The following TARS3 variants were observed in gnomAD, a reference collection of about 807,000 sequenced individuals.
TARS3 encodes the protein threonine--tRNA ligase 2, cytoplasmic.
TARS3 carries 94 observed loss-of-function variants against 103.5 expected under a neutral mutation model. The ratio of observed to expected loss-of-function variants is 0.91; its 90% confidence interval spans 0.77 to 1.08. TARS3 has a LOEUF of 1.08. TARS3 is among the 50% of genes least tolerant of loss of function. The pLI, the probability that TARS3 is intolerant of heterozygous loss-of-function variation, is 0.00. For synonymous variants in TARS3, 416 were observed against 355.4 expected (o/e 1.17, Z -1.92); for missense variants, 952 against 995.2 (o/e 0.96, Z 0.58).
intron 2 of TARS3, among the ~76,000 whole-genome samples, chr15:101,722,814 G>A (rs867248870): frequency 1.3e-5 from 2 of 150,832 alleles, no homozygotes; most frequent in South Asian, 2.1e-4. Flanking sequence ...GCAAACCTCC[G>A]CCTTCAAAAA....
At chr15:101,695,396 C>T (rs924146447) in intron 10 of TARS3, among the ~76,000 whole-genome samples, 1 of 152,188 alleles carries the variant, frequency 6.6e-6, no homozygotes, top group South Asian at 2.1e-4. Context: ...ACGATGCTTT[C>T]GAGGTTCCTC....
intron 10 of TARS3, among the ~76,000 whole-genome samples, chr15:101,696,680 A>G (rs1486680859): frequency 6.6e-6 from 1 of 152,210 alleles, no homozygotes; most frequent in Non-Finnish European, 1.5e-5. Flanking sequence ...GACCCCAGAG[A>G]AACCTTAAAA....
intron 10 of TARS3, among the ~76,000 whole-genome samples, chr15:101,697,045 A>C (rs568864859): frequency 5.3e-5 from 8 of 152,266 alleles, no homozygotes; most frequent in African/African-American, 1.9e-4. Flanking sequence ...CCCTTTGTGA[A>C]TATTCATAGC....
chr15:101,698,419 CT>C (rs1490005766), intron 10 of TARS3, among the ~76,000 whole-genome samples: 1 of 151,014 alleles, frequency 6.6e-6, no homozygotes, highest in African/African-American at 2.4e-5. Flanking sequence ...TGGGCCATTT[CT>C]TATGGAAGAG....
chr15:101,673,246 G>C (rs976360099), intron 13 of TARS3, among the ~76,000 whole-genome samples: 1 of 152,122 alleles, frequency 6.6e-6, no homozygotes, highest in African/African-American at 2.4e-5. Flanking sequence ...CATTAATTAA[G>C]AAAGGAGCAA....
At chr15:101,689,991 T>G (rs1287748445) in intron 10 of TARS3, among the ~76,000 whole-genome samples, 1 of 152,210 alleles carries the variant, frequency 6.6e-6, no homozygotes, top group Non-Finnish European at 1.5e-5. Context: ...CCTTGCATTC[T>G]TACATGAAGG....
intron 11 of TARS3, 62 bp from the exon 12 acceptor site, chr15:101,684,299 A>C: frequency 1.4e-6 from 2 of 1,401,646 alleles, no homozygotes; most frequent in South Asian, 1.6e-5. Flanking sequence ...TAATTATCTA[A>C]ATATAAAGAA....
At chr15:101,655,654 C>T (rs1389175751) in intron 18 of TARS3, among the ~76,000 whole-genome samples, 3 of 140,296 alleles carry the variant, frequency 2.1e-5, no homozygotes, top group South Asian at 4.6e-4. Context: ...CAAATGAGAG[C>T]GGGGAGCTCT....
At chr15:101,690,237 G>A (rs1415838666) in intron 10 of TARS3, among the ~76,000 whole-genome samples, 1 of 152,174 alleles carries the variant, frequency 6.6e-6, no homozygotes, top group Non-Finnish European at 1.5e-5. Flanking sequence ...TCTCTGCCCT[G>A]CACTGTGTTC....
chr15:101,668,689 G>A (rs1182642237), intron 15 of TARS3, among the ~76,000 whole-genome samples: 1 of 152,144 alleles, frequency 6.6e-6, no homozygotes, highest in African/African-American at 2.4e-5. Context: ...AACAAGCTGT[G>A]CCTGTATATA....
At chr15:101,682,815 A>G (rs1270461594) in intron 12 of TARS3, among the ~76,000 whole-genome samples, 1 of 152,208 alleles carries the variant, frequency 6.6e-6, no homozygotes, top group African/African-American at 2.4e-5. Flanking sequence ...TTTCTGTAGT[A>G]GACACAGGGC....
chr15:101,666,581 T>G (rs1307364447), intron 15 of TARS3, among the ~76,000 whole-genome samples: 1 of 151,988 alleles, frequency 6.6e-6, no homozygotes, highest in Non-Finnish European at 1.5e-5. Flanking sequence ...AACAATATTT[T>G]TAAAATATTA....
At chr15:101,656,240 C>T (rs1032617233) in intron 18 of TARS3, among the ~76,000 whole-genome samples, 1 of 152,192 alleles carries the variant, frequency 6.6e-6, no homozygotes, top group Non-Finnish European at 1.5e-5. Flanking sequence ...TTTCTGCCAC[C>T]ATAAGAAGCC....
chr15:101,697,375 T>C (rs940125739), intron 10 of TARS3, among the ~76,000 whole-genome samples: 1 of 152,044 alleles, frequency 6.6e-6, no homozygotes, highest in Non-Finnish European at 1.5e-5. Flanking sequence ...TCACCAGAAG[T>C]AACATGGAAA....
chr15:101,675,523 C>T (rs1355206856), intron 13 of TARS3, 77 bp downstream of exon 13: 1 of 1,403,048 alleles, frequency 7.1e-7, no homozygotes. Flanking sequence ...TTATTGCATC[C>T]TCCTGTGAAG....
At chr15:101,661,687 A>G (rs199730830) in intron 16 of TARS3, 25 bp downstream of exon 16, 2 of 1,331,122 alleles carry the variant, frequency 1.5e-6, no homozygotes, top group East Asian at 2.3e-5. Flanking sequence ...ATAGACATAT[A>G]GTTTTTCTTT....
At chr15:101,710,826 G>T (rs950246263) in intron 5 of TARS3, among the ~76,000 whole-genome samples, 2 of 152,092 alleles carry the variant, frequency 1.3e-5, no homozygotes, top group Non-Finnish European at 2.9e-5. Context: ...GAAGGAGAGG[G>T]GGGTGGGAGA....
At chr15:101,669,864 G>A (rs1054547770) in intron 15 of TARS3, among the ~76,000 whole-genome samples, 2 of 152,150 alleles carry the variant, frequency 1.3e-5, no homozygotes, top group Admixed American at 6.5e-5. Flanking sequence ...TTATAATCTA[G>A]AAACAGACCC....
intron 18 of TARS3, among the ~76,000 whole-genome samples, chr15:101,654,983 C>T (rs1463445966): frequency 7.2e-5 from 11 of 152,202 alleles, no homozygotes. Context: ...GGAGCTCTTA[C>T]AGACTCACAC....
Sources: allele counts gnomAD v4.1 joint callset (sites outside exome capture counted in the v4.1 genomes callset), GRCh38; gene constraint gnomAD v4.1.1; transcripts MANE v1.5; gene names NCBI Gene and HGNC (gene_info 2026-07-23, HGNC 2026-07-21).